Variants in IL1RAP observed in about 807,000 individuals in gnomAD.
The protein encoded by IL1RAP is interleukin-1 receptor accessory protein.
A neutral mutation model predicts 60.7 loss-of-function variants in IL1RAP; 35 were observed. The ratio of observed to expected loss-of-function variants is 0.58; its 90% CI spans 0.44 to 0.76. The LOEUF is 0.76. Ranked by LOEUF, IL1RAP falls within the 30% of genes least tolerant of loss-of-function variation. The probability of loss-of-function intolerance (pLI) is 0.00; values close to 1 mark genes in which losing one functional copy is unlikely to be tolerated. For missense variants in IL1RAP, 572 were observed against 693.9 expected (o/e 0.82, Z 1.97); for synonymous variants, 268 against 250.9 (o/e 1.07, Z -0.64).
At chr3:190,548,110 T>C (rs1392045527) in intron 1 of IL1RAP, among the ~76,000 whole-genome samples, 2 of 152,190 alleles carry the variant, frequency 1.3e-5, no homozygotes, top group East Asian at 3.9e-4. Flanking sequence ...ATGCCTTGGA[T>C]CCATTCAAGT....
intron 3 of IL1RAP, among the ~76,000 whole-genome samples, chr3:190,597,326 T>G (rs1274084501): frequency 6.6e-6 from 1 of 152,212 alleles, no homozygotes; most frequent in Non-Finnish European, 1.5e-5. Flanking sequence ...CTACCTTCCT[T>G]TTTTTGTTAA....
At chr3:190,617,875 A>T (rs185746736) in intron 5 of IL1RAP, among the ~76,000 whole-genome samples, 24 of 152,302 alleles carry the variant, frequency 1.6e-4, no homozygotes, top group Admixed American at 7.2e-4. Context: ...ACCCTCACAC[A>T]CGTATTAGAA....
At chr3:190,560,111 T>C (rs1487037230) in intron 2 of IL1RAP, among the ~76,000 whole-genome samples, 2 of 152,220 alleles carry the variant, frequency 1.3e-5, no homozygotes, top group African/African-American at 2.4e-5. Context: ...ATGGAATAAT[T>C]AGTAGCTTTT....
Position 190,564,296 on chromosome 3 carries a change from C to T in IL1RAP, c.7C>T (p.Leu3Phe). Residue 3 changes from leucine to phenylalanine, a missense_variant, in exon 3 of 12, where the codon CTT becomes TTT. Transcript: ENST00000447382. Reference protein sequence around the residue: MTLLWCVVSLYFY... With the variant: MTFLWCVVSLYFY... ...TTGTATTTATGGTTACAGGATGACA[C>T]TTCTGTGGTGTGTAGTGAGTCTCTA... The T allele has an allele frequency of 6.2e-7, 1 of 1,607,916 alleles. No homozygotes were observed. The highest frequency in any genetic ancestry group is 8.5e-7 in the Non-Finnish European group (1 of 1,174,574).
downstream of IL1RAP, among the ~76,000 whole-genome samples, chr3:190,653,888 T>C (rs1475270229): frequency 6.6e-6 from 1 of 152,154 alleles, no homozygotes; most frequent in Non-Finnish European, 1.5e-5. Context: ...GCAACTCCCT[T>C]TACAGTATTA....
At chr3:190,634,100 G>A (rs1391186976) in intron 9 of IL1RAP, among the ~76,000 whole-genome samples, 1 of 152,068 alleles carries the variant, frequency 6.6e-6, no homozygotes, top group Non-Finnish European at 1.5e-5. Flanking sequence ...TGGATCTATT[G>A]AGAGAATTAT....
At chr3:190,538,320 C>A (rs1330374820) in intron 1 of IL1RAP, among the ~76,000 whole-genome samples, 1 of 152,086 alleles carries the variant, frequency 6.6e-6, no homozygotes, top group Non-Finnish European at 1.5e-5. Flanking sequence ...TCCATTTTAC[C>A]CAGTTTTCCA....
chr3:190,639,438 T>A (rs1189402005), intron 9 of IL1RAP, among the ~76,000 whole-genome samples: 2 of 152,224 alleles, frequency 1.3e-5, no homozygotes, highest in Non-Finnish European at 2.9e-5. Flanking sequence ...ATTGTATCTT[T>A]TAGCTTTTGA....
intron 1 of IL1RAP, among the ~76,000 whole-genome samples, chr3:190,532,284 A>C (rs1723052849): frequency 7.7e-6 from 1 of 130,156 alleles, no homozygotes; most frequent in Non-Finnish European, 1.6e-5. Context: ...TTTTTTTGAG[A>C]TGGAGCCTTG....
At chr3:190,579,247 C>G (rs1559017) in intron 3 of IL1RAP, among the ~76,000 whole-genome samples, 53,063 of 152,010 alleles carry the variant, frequency 0.35, 9,525 homozygotes, top group East Asian at 0.51. Context: ...CTTCATTTCT[C>G]TATGCAATAA....
intron 1 of IL1RAP, among the ~76,000 whole-genome samples, chr3:190,527,032 A>G (rs1722569860): frequency 6.6e-6 from 1 of 152,208 alleles, no homozygotes; most frequent in Non-Finnish European, 1.5e-5. Context: ...ACATAGCTAA[A>G]GGCAGCACTT....
Position 190,620,262 on chromosome 3 carries a change from T to TG in IL1RAP, c.538-13_538-12insG. The TG allele has an allele frequency of 6.7e-7, 1 of 1,483,302 alleles. No homozygotes were observed. The highest frequency in any genetic ancestry group is 9.1e-7 in the Non-Finnish European group (1 of 1,095,104). The allele number at this position is 1,483,302 out of a possible 1,614,324, so 91.9% of individuals were successfully genotyped here. On this transcript the variant is annotated splice_polypyrimidine_tract_variant and intron_variant, in intron 5 of 11. Transcript: ENST00000447382. Reference sequence around the variant, plus strand: ...TCTAAAAAGTAAACTTTTTTTTTTTTTACTTTTTCTAGGGCTGTTATAAAA... The same window carrying TG: ...TCTAAAAAGTAAACTTTTTTTTTTTTGTACTTTTTCTAGGGCTGTTATAAAA...
chr3:190,580,054 G>T (rs149043809), intron 3 of IL1RAP, among the ~76,000 whole-genome samples: 1 of 152,126 alleles, frequency 6.6e-6, no homozygotes, highest in Non-Finnish European at 1.5e-5. Context: ...ACAAGTTTTT[G>T]TGTGGACATA....
rs554164888 is a variant in IL1RAP, at chr3:190,539,865, G to A, written c.-88-16265G>A. Among the ~76,000 whole-genome samples the A allele has an allele frequency of 4.0e-5, 6 of 151,732 alleles. No homozygotes were observed. In the South Asian group the frequency reaches 6.2e-4, roughly 16 times the overall value. On this transcript the variant is annotated intron_variant, in intron 1 of 11. Coordinates refer to ENST00000447382, the MANE Select transcript of IL1RAP (RefSeq NM_002182.4). ...AGCAGATCTTGAATATGTAATGCCC[G>A]TTACATCCATTTCTTTTAGATTATT...
chr3:190,542,702 G>C (rs1212462903), intron 1 of IL1RAP, among the ~76,000 whole-genome samples: 1 of 151,868 alleles, frequency 6.6e-6, no homozygotes, highest in Non-Finnish European at 1.5e-5. Context: ...TATGCTTCCA[G>C]TTTAAAAACT....
intron 5 of IL1RAP, among the ~76,000 whole-genome samples, chr3:190,610,454 A>G (rs1466206310): frequency 1.3e-5 from 2 of 151,996 alleles, no homozygotes; most frequent in African/African-American, 4.8e-5. Context: ...ATCACAGAAT[A>G]AAAAACACAA....
At chr3:190,529,814 C>T (rs1381354844) in intron 1 of IL1RAP, among the ~76,000 whole-genome samples, 4 of 149,510 alleles carry the variant, frequency 2.7e-5, no homozygotes, top group East Asian at 3.9e-4. Flanking sequence ...AAGATCACAG[C>T]GCCACTGCAC....
chr3:190,562,629 C>G (rs961141393), intron 2 of IL1RAP, among the ~76,000 whole-genome samples: 1 of 151,404 alleles, frequency 6.6e-6, no homozygotes, highest in African/African-American at 2.4e-5. Context: ...CTTGAGGGGA[C>G]GGATATTCCA....
exon 12 of IL1RAP, chr3:190,656,656 T>G: frequency 1.8e-6 from 2 of 1,087,822 alleles, no homozygotes; most frequent in Middle Eastern, 2.0e-4. Context: ...ACCCTCTGTA[T>G]GTCATGAACC....
Sources: allele counts gnomAD v4.1 joint callset (sites outside exome capture counted in the v4.1 genomes callset), GRCh38; gene constraint gnomAD v4.1.1; transcripts MANE v1.5; gene names NCBI Gene and HGNC (gene_info 2026-07-23, HGNC 2026-07-21).